Variants in ZNF490 observed in about 807,000 individuals in gnomAD.
ZNF490 encodes zinc finger protein 490.
A neutral mutation model predicts 17.7 loss-of-function variants in ZNF490; 11 were observed. The ratio of observed to expected loss-of-function variants is 0.62; its 90% CI spans 0.39 to 1.03. The LOEUF is 1.03. Among genes scored for constraint, ZNF490 ranks in the 50% least tolerant of loss-of-function variants. ZNF490 has a pLI of 0.00. For synonymous variants in ZNF490, 222 were observed against 216.1 expected, an observed-to-expected ratio of 1.03 and a Z score of -0.24; for missense variants, 542 against 643.4, an observed-to-expected ratio of 0.84 and a Z score of 1.71.
chr19:12,581,171 CAG>C lies in ZNF490; in HGVS notation c.902_903del (p.Thr301ArgfsTer6). 6.2e-7 allele frequency: 1 copy of C among 1,610,560 alleles called. No individual in the cohort carries two copies. Among genetic ancestry groups the C allele is most frequent in the Non-Finnish European group, 8.5e-7 (1 of 1,176,958 alleles). Reference protein sequence around the residue: ...QPFLTHERTHTGEKPYECKQC... With the variant: ...QPFLTHERTHXGEKPYECKQC... ...TGCTTACATTCATAAGGTTTCTCTC[CAG>C]TGTGAGTCCTTTCGTGGGTTAGAAA... On this transcript the variant is annotated frameshift_variant, in exon 5 of 5. Coordinates refer to ENST00000311437, the MANE Select transcript of ZNF490 (RefSeq NM_020714.3). LOFTEE classifies it low-confidence loss of function (END_TRUNC).
chr19:12,602,111 CACACACACACACACACAT>C (rs894312387), intron 2 of ZNF490, among the ~76,000 whole-genome samples: 1 of 150,734 alleles, frequency 6.6e-6, no homozygotes, highest in African/African-American at 2.4e-5. Context: ...CACACACACA[CACACACACACACACACAT>C]ATATGGGCCT....
At position 12,578,135 on chromosome 19, in the gene ZNF490, GA is replaced by G; in HGVS notation, c.*2349del. 1 of 985,504 alleles carries G rather than the reference GA, an allele frequency of 1.0e-6. No individual in the cohort carries two copies. Among genetic ancestry groups the G allele is most frequent in the Non-Finnish European group, 1.2e-6 (1 of 830,028 alleles). The allele number at this position is 985,504 out of a possible 1,614,324, so 61.0% of individuals were successfully genotyped here. ...AGTGCTAGTCTTAGCGGGAGGCTAG[GA>G]AACCAGTCCTGGAGCAGGATGCATG... On this transcript the variant is annotated 3_prime_UTR_variant, in exon 5 of 5. Transcript: ENST00000311437.
At position 12,605,497 on chromosome 19, in the gene ZNF490, A is replaced by T. The variant is rs377553468; in HGVS notation, c.162+3661T>A. Among the ~76,000 whole-genome samples, 235 of 146,390 alleles carry T rather than the reference A, an allele frequency of 1.6e-3. 1 individual carries two copies. Among genetic ancestry groups the T allele is most frequent in the African/African-American group, 5.7e-3 (224 of 39,550 alleles). On this transcript the variant is annotated intron_variant, in intron 2 of 4. Coordinates refer to ENST00000311437, the MANE Select transcript of ZNF490 (RefSeq NM_020714.3). Reference sequence around the variant, plus strand: ...CCCTGCTCTATTAAAAAAAAAAAAAACACTTTGTAATAAATGGGTGAATGT... The same window carrying T: ...CCCTGCTCTATTAAAAAAAAAAAAATCACTTTGTAATAAATGGGTGAATGT...
At chr19:12,590,213 C>A (rs949847641) in intron 2 of ZNF490, among the ~76,000 whole-genome samples, 10 of 147,340 alleles carry the variant, frequency 6.8e-5, no homozygotes, top group Non-Finnish European at 1.5e-4. Flanking sequence ...CCATGCCTGG[C>A]CTTTTTTTTT....
rs753007238 is a variant in ZNF490 at position 12,580,284 on chromosome 19, T to G, written c.*201A>C. 7.4e-7 allele frequency: 1 copy of G among 1,359,156 alleles called. No individual in the cohort carries two copies. The highest frequency in any genetic ancestry group is 9.4e-7 in the Non-Finnish European group (1 of 1,058,842). The allele number at this position is 1,359,156 out of a possible 1,614,324, so 84.2% of individuals were successfully genotyped here. The stretch of plus-strand genomic sequence containing the variant: ...TGTCCATGGAGTCCATTCACATATC[T>G]GCAATCCCGCAGGAGAGTGCAAGTT... On this transcript the variant is annotated 3_prime_UTR_variant, in exon 5 of 5. Transcript: ENST00000311437.
rs757401145 is a variant in ZNF490 at position 12,581,366 on chromosome 19, A to G, written c.709T>C (p.Phe237Leu). 3 of 1,614,034 alleles carry G rather than the reference A, an allele frequency of 1.9e-6. No homozygotes were observed. Among genetic ancestry groups the G allele is most frequent in the South Asian group, 1.1e-5 (1 of 91,070 alleles). The change falls in exon 5 of 5, where the codon TTT (phenylalanine) becomes CTT (leucine). Residue 237 changes from phenylalanine (F) to leucine (L), a missense_variant. Phe to Leu is a conservative substitution (Grantham distance 22, BLOSUM62 0). Transcript: ENST00000311437. ...CGKAFAFLFS[F>L]RNHIRIHTGE... is the part of the protein sequence containing the mutation. ...GTATGAATTCTTATATGGTTTCGAA[A>G]GGAAAAGAGAAATGCGAAGGCTTTG... is the stretch of plus-strand genomic sequence containing the variant.
chr19:12,594,349 C>T (rs1000705726), intron 2 of ZNF490, among the ~76,000 whole-genome samples: 2 of 151,868 alleles, frequency 1.3e-5, no homozygotes, highest in Non-Finnish European at 2.9e-5. Flanking sequence ...ACCTGTAATC[C>T]CAGCTACTCT....
intron 2 of ZNF490, among the ~76,000 whole-genome samples, chr19:12,599,161 AAGAAAG>A (rs2022972570): frequency 7.4e-6 from 1 of 134,616 alleles, no homozygotes. Context: ...AAAAAAAAAA[AAGAAAG>A]AAAGAAAAGA....
At position 12,580,666 on chromosome 19, in the gene ZNF490, C is replaced by T; in HGVS notation, c.1409G>A (p.Gly470Glu). ...CTGCTTACACTCACATGGTTTCACT[C>T]CAGTGTGACTTCTTTCGTGCCTTCG... Reference protein sequence around the residue: ...HLRRHERSHTGVKPCECKQCG... With the variant: ...HLRRHERSHTEVKPCECKQCG... Residue 470 changes from glycine (G) to glutamate (E), a missense_variant, in exon 5 of 5, where the codon GGA becomes GAA. By Grantham distance (98) the Gly-to-Glu change is moderately conservative. Coordinates refer to ENST00000311437, the MANE Select transcript of ZNF490 (RefSeq NM_020714.3). 1 of 1,614,182 alleles carries T rather than the reference C, an allele frequency of 6.2e-7. No individual in the cohort carries two copies. The highest frequency in any genetic ancestry group is 8.5e-7 in the Non-Finnish European group (1 of 1,180,038).
Position 12,581,726 on chromosome 19 carries a change from TG to T in ZNF490, c.351-3del. On this transcript the variant is annotated splice_region_variant and splice_polypyrimidine_tract_variant and intron_variant, in intron 4 of 4. Coordinates refer to ENST00000311437, the MANE Select transcript of ZNF490 (RefSeq NM_020714.3). ...CAGAGTGCTTCAACCATAGGACTTC[TG>T]TAAAGAATGAGTACCGTATTATTAA... is the stretch of plus-strand genomic sequence containing the variant. 5 of 1,598,310 alleles carry T rather than the reference TG, an allele frequency of 3.1e-6. No individual in the cohort carries two copies. Among genetic ancestry groups the T allele is most frequent in the Non-Finnish European group, 4.3e-6 (5 of 1,171,976 alleles).
chr19:12,580,954 G>C lies in ZNF490; in HGVS notation c.1121C>G (p.Ser374Cys). The C allele has an allele frequency of 6.2e-7, 1 of 1,614,166 alleles. No homozygotes were observed. ...TCTTTCGTGCACTTCACAGGAACTA[G>C]ATGACTTGAAGGCTTCCCCACATTT... ...CKKCGEAFKSSSSCEVHERTH... is the reference protein window; with the variant it reads ...CKKCGEAFKSCSSCEVHERTH... The change falls in exon 5 of 5, where the codon TCT (serine) becomes TGT (cysteine). Residue 374 changes from serine to cysteine, a missense_variant. Transcript: ENST00000311437.
At chr19:12,589,119 C>T (rs1295974559) in intron 2 of ZNF490, among the ~76,000 whole-genome samples, 6 of 152,038 alleles carry the variant, frequency 3.9e-5, no homozygotes, top group African/African-American at 1.4e-4. Flanking sequence ...GTCAGGACTT[C>T]GAGACCAGCC....
rs775152226 is a variant in ZNF490, at chr19:12,581,162, G to T, written c.913C>A (p.Pro305Thr). The change falls in exon 5 of 5, where the codon CCT (proline) becomes ACT (threonine). Residue 305 changes from proline to threonine, a missense_variant. Pro to Thr is a conservative substitution (Grantham distance 38, BLOSUM62 -1). Coordinates refer to ENST00000311437, the MANE Select transcript of ZNF490 (RefSeq NM_020714.3). ...THERTHTGEK[P>T]YECKQCGKAF... is the part of the protein sequence containing the mutation. ...TTCCCACATTGCTTACATTCATAAG[G>T]TTTCTCTCCAGTGTGAGTCCTTTCG... The T allele has an allele frequency of 1.2e-6, 2 of 1,610,488 alleles. No homozygotes were observed. The highest frequency in any genetic ancestry group is 1.1e-5 in the South Asian group (1 of 90,920).
Position 12,579,496 on chromosome 19 carries a change from T to G in ZNF490, c.*989A>C. The G allele has an allele frequency of 7.1e-6, 1 of 140,060 alleles. No homozygotes were observed. Among genetic ancestry groups the G allele is most frequent in the African/African-American group, 2.7e-5 (1 of 36,904 alleles). The allele number at this position is 140,060 out of a possible 1,614,324, so 8.7% of individuals were successfully genotyped here. A position where few individuals can be genotyped will look rare whatever the true frequency, so the allele number is the denominator to read the frequency against. On this transcript the variant is annotated 3_prime_UTR_variant, in exon 5 of 5. Coordinates refer to ENST00000311437, the MANE Select transcript of ZNF490 (RefSeq NM_020714.3). ...CTGGGAGGCAGAGGTTGCGCCACTT[T>G]CACTCCAGCCTAGGCAACAGAGTAA...
At position 12,577,627 on chromosome 19, in the gene ZNF490, T is replaced by A; in HGVS notation, c.*2858A>T. 1.0e-6 allele frequency: 1 copy of A among 985,476 alleles called. No homozygotes were observed. The highest frequency in any genetic ancestry group is 5.2e-4 in the Middle Eastern group (1 of 1,914). 61.0% of individuals were successfully genotyped at this position (985,476 alleles called of 1,614,324 possible). ...AGTAGCCGTCACTTCCACTGAGGCC[T>A]CATCTGCCAGCAAACCTTGCTCCAG... On this transcript the variant is annotated 3_prime_UTR_variant, in exon 5 of 5. Transcript: ENST00000311437.
At chr19:12,593,917 T>C (rs756479144) in intron 2 of ZNF490, among the ~76,000 whole-genome samples, 1 of 152,172 alleles carries the variant, frequency 6.6e-6, no homozygotes, top group Non-Finnish European at 1.5e-5. Context: ...AAGGCTAACA[T>C]TTGACTCTGT....
At chr19:12,585,652 A>G (rs1186817560) in intron 2 of ZNF490, among the ~76,000 whole-genome samples, 1 of 92,452 alleles carries the variant, frequency 1.1e-5, no homozygotes, top group Admixed American at 1.0e-4. Flanking sequence ...GGATTATATC[A>G]TGTTTCCACT....
chr19:12,580,664 C>A lies in ZNF490; in HGVS notation c.1411G>T (p.Val471Leu). ...LRRHERSHTG[V>L]KPCECKQCGK... ...CACTGCTTACACTCACATGGTTTCACTCCAGTGTGACTTCTTTCGTGCCTT... is the reference window on the plus strand; with the variant it reads ...CACTGCTTACACTCACATGGTTTCAATCCAGTGTGACTTCTTTCGTGCCTT... The change falls in exon 5 of 5, where the codon GTG becomes TTG. Residue 471 changes from valine to leucine, a missense_variant. Physicochemically the swap from Val to Leu is conservative, Grantham distance 32 (BLOSUM62 1). Coordinates refer to ENST00000311437, the MANE Select transcript of ZNF490 (RefSeq NM_020714.3). The A allele has an allele frequency of 6.2e-7, 1 of 1,614,222 alleles. No homozygotes were observed. The highest frequency in any genetic ancestry group is 8.5e-7 in the Non-Finnish European group (1 of 1,180,034).
chr19:12,586,173 C>A lies in ZNF490; in HGVS notation c.163-2617G>T, dbSNP rs1328916428. ...AAAAATTTGCCGGGTGTGGTGGGCA[C>A]CTGTAATCCCGGCTACTTGGGAGGC... On this transcript the variant is annotated intron_variant, in intron 2 of 4. Coordinates refer to ENST00000311437, the MANE Select transcript of ZNF490 (RefSeq NM_020714.3). Among the ~76,000 whole-genome samples, 8 of 92,256 alleles carry A rather than the reference C, an allele frequency of 8.7e-5. 3 individuals carry two copies. Among genetic ancestry groups the A allele is most frequent in the Admixed American group, 2.1e-4 (2 of 9,704 alleles). 60.5% of individuals were successfully genotyped at this position (92,256 alleles called of 152,430 possible).
Sources: gnomAD v4.1 joint callset for allele counts (sites outside exome capture counted in the v4.1 genomes callset) on GRCh38, gnomAD v4.1.1 for gene constraint, MANE v1.5 for transcripts, NCBI Gene and HGNC (gene_info 2026-07-23, HGNC 2026-07-21) for gene names.